HECTD4: variants seen among roughly 807,000 people sequenced by gnomAD.
HECTD4 encodes the protein HECT domain E3 ubiquitin protein ligase 4.
Under a neutral mutation model 471.5 loss-of-function variants are expected in HECTD4, and 114 were observed. The ratio of observed to expected loss-of-function variants is 0.24; its 90% confidence interval spans 0.21 to 0.28. The LOEUF is 0.28. Among genes scored for constraint, HECTD4 ranks in the 10% least tolerant of loss-of-function variants. The probability of loss-of-function intolerance (pLI) is 1.00; values close to 1 mark genes in which losing one functional copy is unlikely to be tolerated. For synonymous variants in HECTD4, 2,012 were observed against 2,256.0 expected (o/e 0.89, Z 3.07); for missense variants, 3,866 against 5,651.5 (o/e 0.68, Z 10.13).
chr12:112,348,841 T>A (rs1021889520), intron 1 of HECTD4, among the ~76,000 whole-genome samples: 1 of 152,182 alleles, frequency 6.6e-6, no homozygotes, highest in Non-Finnish European at 1.5e-5. Flanking sequence ...AACCTATGTA[T>A]GTATATATAC....
intron 49 of HECTD4, among the ~76,000 whole-genome samples, chr12:112,212,104 T>C (rs1468299623): frequency 6.6e-6 from 1 of 152,232 alleles, no homozygotes. Context: ...AACTTACAAA[T>C]CTTTACCGAA....
intron 48 of HECTD4, among the ~76,000 whole-genome samples, chr12:112,216,021 C>T (rs1464057180): frequency 6.6e-6 from 1 of 152,130 alleles, no homozygotes; most frequent in Non-Finnish European, 1.5e-5. Flanking sequence ...AAAGACTAAA[C>T]TTCAGATAGA....
chr12:112,382,327 T>TGCCGCC lies in HECTD4; in HGVS notation c.-205_-200dup, dbSNP rs558182543. 8.6e-3 allele frequency: 3,076 copies of TGCCGCC among 356,242 alleles called. 40 individuals carry two copies. The highest frequency in any genetic ancestry group is 0.062 in the East Asian group (920 of 14,912). The allele number at this position is 356,242 out of a possible 1,614,324, so 22.1% of individuals were successfully genotyped here. A position where few individuals can be genotyped will look rare whatever the true frequency, so the allele number is the denominator to read the frequency against. Reference sequence around the variant, plus strand: ...ACCCCGGCCCGGGAGACCCCGGCCCTGCCGCCGCCGCCGCCGCCGCCGCCG... The same window carrying TGCCGCC: ...ACCCCGGCCCGGGAGACCCCGGCCCTGCCGCCGCCGCCGCCGCCGCCGCCGCCGCCG... On this transcript the variant is annotated 5_prime_UTR_variant, in exon 1 of 76. Transcript: ENST00000682272.
At chr12:112,232,839 T>C (rs184495061) in intron 38 of HECTD4, among the ~76,000 whole-genome samples, 165 bp downstream of exon 38, 1 of 152,294 alleles carries the variant, frequency 6.6e-6, no homozygotes, top group African/African-American at 2.4e-5. Flanking sequence ...CTTTAACTAG[T>C]TCTCTTTAAA....
At chr12:112,240,938 A>G (rs558815689) in intron 32 of HECTD4, among the ~76,000 whole-genome samples, 2 of 152,378 alleles carry the variant, frequency 1.3e-5, no homozygotes, top group East Asian at 3.9e-4. Context: ...TGAAACTATC[A>G]GGATTTATCT....
chr12:112,195,195 C>A, intron 55 of HECTD4, 129 bp from the exon 56 acceptor site: 1 of 696,478 alleles, frequency 1.4e-6, no homozygotes, highest in Non-Finnish European at 2.3e-6. Context: ...TGTTCCAAAC[C>A]CTAAAGGAGT....
At chr12:112,324,083 T>C (rs954122239) in intron 1 of HECTD4, among the ~76,000 whole-genome samples, 3 of 99,320 alleles carry the variant, frequency 3.0e-5, no homozygotes, top group African/African-American at 1.1e-4. Context: ...TCTTTCTTTC[T>C]TTCTTTCTTT....
rs900589624 is a variant in HECTD4 at position 112,382,290 on chromosome 12, G to A, written c.-162C>T. On this transcript the variant is annotated 5_prime_UTR_variant, in exon 1 of 76. Coordinates refer to ENST00000682272, the MANE Select transcript of HECTD4 (RefSeq NM_001388303.1). ...AACTCCGCCCTAGGCGGTCCGAGTC[G>A]CCATACCCCCGACCCCGGCCCGGGA... 14 of 574,148 alleles carry A rather than the reference G, an allele frequency of 2.4e-5. No individual in the cohort carries two copies. In the South Asian group the frequency reaches 8.8e-4, roughly 36 times the overall value. 35.6% of individuals were successfully genotyped at this position (574,148 alleles called of 1,614,324 possible).
Position 112,228,041 on chromosome 12 carries a change from C to A in HECTD4, c.6854+48G>T. The A allele has an allele frequency of 6.7e-7, 1 of 1,497,940 alleles. No individual in the cohort carries two copies. The highest frequency in any genetic ancestry group is 1.4e-5 in the South Asian group (1 of 70,556). 92.8% of individuals were successfully genotyped at this position (1,497,940 alleles called of 1,614,324 possible). A position where few individuals can be genotyped will look rare whatever the true frequency, so the allele number is the denominator to read the frequency against. On this transcript the variant is annotated intron_variant, in intron 43 of 75. Transcript: ENST00000682272. The surrounding 1 kb of genome is among the most constrained non-coding windows in gnomAD (Gnocchi z 4.9). ...GCCCACCAAGGATCCCTTCTTCTGTCAGCTTGCACCATGTCAGCACATAAG... is the reference window on the plus strand; with the variant it reads ...GCCCACCAAGGATCCCTTCTTCTGTAAGCTTGCACCATGTCAGCACATAAG...
Position 112,185,473 on chromosome 12 carries a change from C to A in HECTD4, c.9493G>T (p.Asp3165Tyr). Reference protein sequence around the residue: ...ELLGNFLWTTDMAACVKELVF... With the variant: ...ELLGNFLWTTYMAACVKELVF... ...AGCTCCTTCACGCAGGCTGCCATGT[C>A]CGTGGTCCACAAGAAGTTTCCTGAG... The change falls in exon 61 of 76, where the codon GAC (aspartate) becomes TAC (tyrosine). Residue 3165 changes from aspartate (D) to tyrosine (Y), a missense_variant. This residue lies in a region of HECTD4 where 364 missense variants were observed against 413.2 expected (regional missense o/e 0.88). Transcript: ENST00000682272. The A allele has an allele frequency of 6.4e-7, 1 of 1,555,364 alleles. No individual in the cohort carries two copies. Among genetic ancestry groups the A allele is most frequent in the Non-Finnish European group, 8.7e-7 (1 of 1,148,848 alleles).
chr12:112,194,393 A>G lies in HECTD4; in HGVS notation c.8749+492T>C, dbSNP rs946233743. ...CAGGGGAAGACAGAAAGGGCCCCTG[A>G]GTCCTGGATAGTGCTGAGGGCAGAC... On this transcript the variant is annotated intron_variant, in intron 56 of 75. Transcript: ENST00000682272. This position sits in a 1 kb window ranked among gnomAD's most constrained non-coding sequence, Gnocchi z 4.6. Among the ~76,000 whole-genome samples the G allele has an allele frequency of 6.6e-6, 1 of 152,164 alleles. No homozygotes were observed. The highest frequency in any genetic ancestry group is 1.5e-5 in the Non-Finnish European group (1 of 68,024).
Position 112,219,481 on chromosome 12 carries a change from G to C in HECTD4, c.6979C>G (p.Leu2327Val). Residue 2327 changes from leucine (L) to valine (V), a missense_variant, in exon 45 of 76, where the codon CTT becomes GTT. Coordinates refer to ENST00000682272, the MANE Select transcript of HECTD4 (RefSeq NM_001388303.1). ...VAQECSAGER[L>V]AVVEVQCERL... ...TCACACTGTACCTCCACAACTGCAA[G>C]TCGCTCTCCTGTAGAGGGCACATGT... 6.2e-7 allele frequency: 1 copy of C among 1,613,116 alleles called. No homozygotes were observed. The highest frequency in any genetic ancestry group is 8.5e-7 in the Non-Finnish European group (1 of 1,179,262).
chr12:112,315,336 T>C (rs1202900128), intron 2 of HECTD4, among the ~76,000 whole-genome samples: 1 of 152,228 alleles, frequency 6.6e-6, no homozygotes, highest in Non-Finnish European at 1.5e-5. Flanking sequence ...ATCATATGCC[T>C]AAACGCCAAT....
intron 1 of HECTD4, among the ~76,000 whole-genome samples, chr12:112,360,722 G>A (rs1403744267): frequency 3.3e-5 from 5 of 152,142 alleles, no homozygotes; most frequent in Non-Finnish European, 2.9e-5. Context: ...GGTGGCTCAC[G>A]CCTGTAATTC....
chr12:112,302,731 T>G, intron 7 of HECTD4: 4 of 403,014 alleles, frequency 9.9e-6, no homozygotes, highest in Non-Finnish European at 1.8e-5. Context: ...ATCTTCATAT[T>G]AGAAGCTTTC....
intron 1 of HECTD4, among the ~76,000 whole-genome samples, chr12:112,324,166 G>A (rs949097243): frequency 5.5e-5 from 8 of 144,294 alleles, no homozygotes; most frequent in African/African-American, 2.1e-4. Flanking sequence ...CCAGGCTGGA[G>A]TACAGTGGTG....
At chr12:112,269,124 C>T (rs565690858) in intron 13 of HECTD4, among the ~76,000 whole-genome samples, 1 of 151,938 alleles carries the variant, frequency 6.6e-6, no homozygotes, top group Admixed American at 6.6e-5. Context: ...CCGCCCGTCT[C>T]GGCCTCCCAA....
At chr12:112,189,275 G>A (rs1286504568) in intron 60 of HECTD4, among the ~76,000 whole-genome samples, 1 of 152,082 alleles carries the variant, frequency 6.6e-6, no homozygotes, top group Non-Finnish European at 1.5e-5. Flanking sequence ...GTTCCAGGCC[G>A]GGCGCAGTGG....
intron 55 of HECTD4, among the ~76,000 whole-genome samples, chr12:112,196,784 G>A (rs906115331): frequency 6.6e-6 from 1 of 151,668 alleles, no homozygotes; most frequent in Non-Finnish European, 1.5e-5. Flanking sequence ...TAGAGACACG[G>A]TCTCTCTCTC....
Sources: gnomAD v4.1 joint callset for allele counts (sites outside exome capture counted in the v4.1 genomes callset) on GRCh38, gnomAD v4.1.1 for gene constraint, gnomAD v4.1.1 regional missense constraint, Gnocchi (gnomAD v3.1) non-coding constraint, MANE v1.5 for transcripts, NCBI Gene and HGNC (gene_info 2026-07-23, HGNC 2026-07-21) for gene names.